Variants in CACNA2D2 observed in about 807,000 individuals in gnomAD.
The protein encoded by CACNA2D2 is calcium voltage-gated channel auxiliary subunit alpha2delta 2.
In CACNA2D2, 48 loss-of-function variants were observed where a neutral mutation model predicts 166.4. The ratio of observed to expected loss-of-function variants is 0.29; its 90% CI spans 0.23 to 0.37. The LOEUF (loss-of-function observed/expected upper bound fraction) is 0.37, where lower values mean the gene tolerates loss of function less well. CACNA2D2 is among the 10% of genes least tolerant of loss of function. CACNA2D2 has a pLI of 1.00. For synonymous variants in CACNA2D2, 561 were observed against 573.7 expected, an observed-to-expected ratio of 0.98 and a Z score of 0.32; for missense variants, 1,122 against 1,433.0, an observed-to-expected ratio of 0.78 and a Z score of 3.50.
chr3:50,456,380 T>C (rs1709360345), intron 2 of CACNA2D2, among the ~76,000 whole-genome samples: 1 of 152,196 alleles, frequency 6.6e-6, no homozygotes. Context: ...CATTCACAGC[T>C]GAGTGGGTCT....
At position 50,394,045 on chromosome 3, in the gene CACNA2D2, A is replaced by AG. The variant is rs143066340; in HGVS notation, c.465+63dup. The AG allele has an allele frequency of 1.9e-3, 2,842 of 1,470,298 alleles. 2 individuals are homozygous for AG. Among genetic ancestry groups the AG allele is most frequent in the Non-Finnish European group, 2.5e-3 (2,615 of 1,050,686 alleles). The allele number at this position is 1,470,298 out of a possible 1,614,324, so 91.1% of individuals were successfully genotyped here. On this transcript the variant is annotated intron_variant, in intron 4 of 37. Coordinates refer to ENST00000424201, the MANE Select transcript of CACNA2D2 (RefSeq NM_006030.4). ...TGTGTCTGGGCAGCTCCCACCCCCC[A>AG]GCATTCAAATCCACGCATGGATGGG...
chr3:50,378,901 C>T lies in CACNA2D2; in HGVS notation c.1339+14G>A, dbSNP rs202140446. ...GGCAGGCAGGCCCCTGACAGTGATG[C>T]GCAGGGGAGGTACCTTTGTTGGCAC... On this transcript the variant is annotated intron_variant, in intron 13 of 37. Transcript: ENST00000424201. 6.2e-6 allele frequency: 10 copies of T among 1,613,022 alleles called. No homozygotes were observed. The highest frequency in any genetic ancestry group is 1.7e-5 in the Admixed American group (1 of 60,022).
intron 3 of CACNA2D2, among the ~76,000 whole-genome samples, chr3:50,421,274 G>A (rs539838851): frequency 3.3e-5 from 5 of 152,366 alleles, no homozygotes; most frequent in African/African-American, 4.8e-5. Context: ...GGGCAGTCAC[G>A]CAGGGAGATG....
At chr3:50,498,106 G>A (rs545804963) in intron 1 of CACNA2D2, among the ~76,000 whole-genome samples, 2 of 152,246 alleles carry the variant, frequency 1.3e-5, no homozygotes, top group Non-Finnish European at 2.9e-5. Flanking sequence ...GCACGGGAGT[G>A]GGGTAGGTGG....
rs1250766311 is a variant in CACNA2D2, at chr3:50,365,744, T to TA, written c.2916-57dup. 1.9e-6 allele frequency: 3 copies of TA among 1,607,812 alleles called. No individual in the cohort carries two copies. The African/African-American group carries it at 4.0e-5, about 21-fold the overall frequency. On this transcript the variant is annotated intron_variant, in intron 33 of 37. Transcript: ENST00000424201. This position sits in a 1 kb window ranked among gnomAD's most constrained non-coding sequence, Gnocchi z 4.5. ...GTCAGCAGAGGACGATGCCATGCCC[T>TA]ACTTCTCTTCTGAGCCCTCCCGGCC...
chr3:50,496,959 T>C (rs931912214), intron 1 of CACNA2D2, among the ~76,000 whole-genome samples: 1 of 152,150 alleles, frequency 6.6e-6, no homozygotes, highest in Non-Finnish European at 1.5e-5. Context: ...CTCTTCCCCT[T>C]TGTTGAATGA....
Position 50,362,673 on chromosome 3 carries a change from A to C in CACNA2D2, c.*1993T>G, listed in dbSNP as rs922642437. Reference sequence around the variant, plus strand: ...AAGCAAGTGCCATGCCCTGTGGTTGACAGGGACCTGGGCTACCATGGTCTT... The same window carrying C: ...AAGCAAGTGCCATGCCCTGTGGTTGCCAGGGACCTGGGCTACCATGGTCTT... On this transcript the variant is annotated 3_prime_UTR_variant, in exon 38 of 38. Coordinates refer to ENST00000424201, the MANE Select transcript of CACNA2D2 (RefSeq NM_006030.4). The C allele has an allele frequency of 2.6e-5, 4 of 154,564 alleles. No individual in the cohort carries two copies. The highest frequency in any genetic ancestry group is 3.2e-3 in the Middle Eastern group (1 of 310). The allele number at this position is 154,564 out of a possible 1,614,324, so 9.6% of individuals were successfully genotyped here. A position where few individuals can be genotyped will look rare whatever the true frequency, so the allele number is the denominator to read the frequency against.
In CACNA2D2 at chr3:50,367,272, C is replaced by T; in HGVS notation, c.2401+122G>A. ...CAGTCTATCCCTCTTTTCACGTCTG[C>T]CCTGGCCTCAGCCAGCCTTGTGTTG... On this transcript the variant is annotated intron_variant, in intron 27 of 37. Transcript: ENST00000424201. This position sits in a 1 kb window ranked among gnomAD's most constrained non-coding sequence, Gnocchi z 6.5. 2.8e-6 allele frequency: 3 copies of T among 1,060,562 alleles called. No homozygotes were observed. In the Admixed American group the frequency reaches 5.9e-5, roughly 21 times the overall value. The allele number at this position is 1,060,562 out of a possible 1,614,324, so 65.7% of individuals were successfully genotyped here. A position where few individuals can be genotyped will look rare whatever the true frequency, so the allele number is the denominator to read the frequency against.
intron 4 of CACNA2D2, among the ~76,000 whole-genome samples, chr3:50,392,029 G>C (rs1286159004): frequency 1.3e-5 from 2 of 152,198 alleles, no homozygotes; most frequent in Non-Finnish European, 2.9e-5. Flanking sequence ...TTCCTAGGAA[G>C]AGGGCCTGAG....
At chr3:50,410,241 G>A (rs1706932452) in intron 3 of CACNA2D2, among the ~76,000 whole-genome samples, 1 of 152,210 alleles carries the variant, frequency 6.6e-6, no homozygotes, top group Non-Finnish European at 1.5e-5. Context: ...GAAACTCTGG[G>A]ACAGGACCAT....
intron 23 of CACNA2D2, among the ~76,000 whole-genome samples, chr3:50,368,592 T>C (rs1450308052): frequency 6.6e-6 from 1 of 152,184 alleles, no homozygotes; most frequent in African/African-American, 2.4e-5. Context: ...CCTAGAGCAT[T>C]CCCATGGGCA....
rs112375169 is a variant in CACNA2D2 at position 50,462,890 on chromosome 3, G to GAA, written c.288+13226_288+13227dup. On this transcript the variant is annotated intron_variant, in intron 2 of 37. Transcript: ENST00000424201. Reference sequence around the variant, plus strand: ...AATCCATCTAGAAATATAAGAAAAAGAAAAAAAAAAGAGAGAGGGAGGCTG... The same window carrying GAA: ...AATCCATCTAGAAATATAAGAAAAAGAAAAAAAAAAAAGAGAGAGGGAGGCTG... Among the ~76,000 whole-genome samples, 998 of 144,562 alleles carry GAA rather than the reference G, an allele frequency of 6.9e-3. 7 individuals are homozygous for GAA. The highest frequency in any genetic ancestry group is 0.024 in the African/African-American group (932 of 39,402). The allele number at this position is 144,562 out of a possible 152,430, so 94.8% of individuals were successfully genotyped here. A position where few individuals can be genotyped will look rare whatever the true frequency, so the allele number is the denominator to read the frequency against.
intron 3 of CACNA2D2, among the ~76,000 whole-genome samples, chr3:50,422,073 A>T (rs1559932551): frequency 6.6e-6 from 1 of 151,790 alleles, no homozygotes; most frequent in Non-Finnish European, 1.5e-5. Flanking sequence ...TCTACCCTCC[A>T]TCCTCTTTAG....
In CACNA2D2 at chr3:50,450,669, A is replaced by C. The variant is rs566056961; in HGVS notation, c.289-16240T>G. ...ATTTTTCCAAAGAAAAGGCTTTTAC[A>C]GAGTGAAAGAGGCTGTTGGAACACT... On this transcript the variant is annotated intron_variant, in intron 2 of 37. Transcript: ENST00000424201. Among the ~76,000 whole-genome samples, 3 of 152,320 alleles carry C rather than the reference A, an allele frequency of 2.0e-5. No individual in the cohort carries two copies. In the East Asian group the frequency reaches 5.8e-4, roughly 29 times the overall value.
At chr3:50,373,673 A>G in intron 22 of CACNA2D2, among the ~76,000 whole-genome samples, 1 of 117,838 alleles carries the variant, frequency 8.5e-6, no homozygotes, top group African/African-American at 3.4e-5. Flanking sequence ...AGAGAGAGAG[A>G]TGGAGGAGGT....
At chr3:50,486,478 T>C (rs2107138619) in intron 1 of CACNA2D2, among the ~76,000 whole-genome samples, 1 of 152,088 alleles carries the variant, frequency 6.6e-6, no homozygotes. Flanking sequence ...CATGGCCTCC[T>C]GCCTTGAAGA....
At chr3:50,377,241 T>G (rs1705040583) in intron 17 of CACNA2D2, among the ~76,000 whole-genome samples, 1 of 152,224 alleles carries the variant, frequency 6.6e-6, no homozygotes, top group Admixed American at 6.5e-5. Context: ...GAGATGGGTA[T>G]GTAGGTCTGC....
At position 50,503,443 on chromosome 3, in the gene CACNA2D2, C is replaced by T. The variant is rs1699070288; in HGVS notation, c.-20G>A. ...CGCCATGTTTCCATTCAAGATGCGG[C>T]GCCGCGGGGAGGGGGGGCAGTGGCG... On this transcript the variant is annotated 5_prime_UTR_variant, in exon 1 of 38. Transcript: ENST00000424201. 1 of 178,948 alleles carries T rather than the reference C, an allele frequency of 5.6e-6. No homozygotes were observed. Among genetic ancestry groups the T allele is most frequent in the Non-Finnish European group, 1.1e-5 (1 of 90,464 alleles). The allele number at this position is 178,948 out of a possible 1,614,324, so 11.1% of individuals were successfully genotyped here.
chr3:50,403,708 A>C (rs1435460467), intron 3 of CACNA2D2, among the ~76,000 whole-genome samples: 1 of 151,916 alleles, frequency 6.6e-6, no homozygotes, highest in Non-Finnish European at 1.5e-5. Flanking sequence ...TGCCAACCTC[A>C]TCTCTCTTCT....
Sources: allele counts gnomAD v4.1 joint callset (sites outside exome capture counted in the v4.1 genomes callset), GRCh38; gene constraint gnomAD v4.1.1; non-coding constraint Gnocchi (gnomAD v3.1); transcripts MANE v1.5; gene names NCBI Gene and HGNC (gene_info 2026-07-23, HGNC 2026-07-21).